The following ENTREP2 variants were observed in gnomAD, a reference collection of about 807,000 sequenced individuals.
ENTREP2 encodes protein ENTREP2.
chr15:29,151,755 G>A, the ENTREP2 span: 8 of 1,551,736 alleles, frequency 5.2e-6, no homozygotes, highest in African/African-American at 1.1e-4. Context: ...CATCGGAGGA[G>A]ACCATCTGCA....
At chr15:29,426,356 T>G in the ENTREP2 span, among the ~76,000 whole-genome samples, 2 of 152,250 alleles carry the variant, frequency 1.3e-5, no homozygotes, top group Non-Finnish European at 2.9e-5. Context: ...AATCTAGTAT[T>G]AATGTGATTA....
the ENTREP2 span, among the ~76,000 whole-genome samples, chr15:29,396,564 C>T: frequency 1.3e-5 from 2 of 152,084 alleles, no homozygotes; most frequent in Admixed American, 6.6e-5. Flanking sequence ...CTGTGGGTTG[C>T]CTGTTTACTC....
the ENTREP2 span, among the ~76,000 whole-genome samples, chr15:29,459,408 C>A: frequency 6.6e-6 from 1 of 152,158 alleles, no homozygotes; most frequent in Admixed American, 6.5e-5. Flanking sequence ...AGGACAGGCA[C>A]TCTTCTCTAG....
the ENTREP2 span, among the ~76,000 whole-genome samples, chr15:29,190,794 AGT>A: frequency 1.3e-5 from 2 of 152,242 alleles, no homozygotes; most frequent in African/African-American, 4.8e-5. Context: ...TCAGACATGG[AGT>A]GTTACTAATC....
chr15:29,388,351 C>A, the ENTREP2 span, among the ~76,000 whole-genome samples: 3 of 152,190 alleles, frequency 2.0e-5, no homozygotes, highest in African/African-American at 7.2e-5. Context: ...ATGCAGCCAA[C>A]AGACACATGA....
the ENTREP2 span, among the ~76,000 whole-genome samples, chr15:29,369,117 G>A: frequency 5.7e-4 from 87 of 151,992 alleles, no homozygotes; most frequent in Non-Finnish European, 8.7e-4. Flanking sequence ...TGCATGCAAT[G>A]GAGTATATCA....
the ENTREP2 span, chr15:29,268,502 C>T: frequency 2.7e-6 from 1 of 371,298 alleles, no homozygotes; most frequent in African/African-American, 2.1e-5. Flanking sequence ...CTTGCATTAT[C>T]TGTTCCAGAT....
chr15:29,245,054 T>C, the ENTREP2 span, among the ~76,000 whole-genome samples: 5 of 152,066 alleles, frequency 3.3e-5, no homozygotes, highest in Admixed American at 6.5e-5. Context: ...CAGAAGAAAA[T>C]GTAATCATTT....
chr15:29,638,391 C>T, the ENTREP2 span, among the ~76,000 whole-genome samples: 16 of 152,348 alleles, frequency 1.1e-4, no homozygotes, highest in East Asian at 3.1e-3. Flanking sequence ...CATCTCCAGA[C>T]ATTGCCAAAT....
the ENTREP2 span, among the ~76,000 whole-genome samples, chr15:29,636,363 G>A: frequency 6.6e-6 from 1 of 152,186 alleles, no homozygotes; most frequent in Non-Finnish European, 1.5e-5. Flanking sequence ...CAGCTCCTGG[G>A]CTCTGGCCCT....
At chr15:29,449,313 T>G in the ENTREP2 span, among the ~76,000 whole-genome samples, 1 of 152,120 alleles carries the variant, frequency 6.6e-6, no homozygotes, top group South Asian at 2.1e-4. Flanking sequence ...ACAACCTCCA[T>G]GAAACGATGT....
the ENTREP2 span, among the ~76,000 whole-genome samples, chr15:29,606,382 GC>G: frequency 6.6e-6 from 1 of 151,454 alleles, no homozygotes; most frequent in South Asian, 2.1e-4. Context: ...CTACAAGCGC[GC>G]GCCACCACAC....
chr15:29,138,827 A>C, the ENTREP2 span, among the ~76,000 whole-genome samples: 1 of 152,054 alleles, frequency 6.6e-6, no homozygotes, highest in Non-Finnish European at 1.5e-5. Context: ...TGCGCTCCCC[A>C]AAGCATTCAT....
At chr15:29,338,425 CA>C in the ENTREP2 span, among the ~76,000 whole-genome samples, 198 of 80,564 alleles carry the variant, frequency 2.5e-3, no homozygotes, top group Middle Eastern at 0.01. Flanking sequence ...GACTCCATCT[CA>C]AAAAAAAAAA....
chr15:29,291,524 G>A, the ENTREP2 span, among the ~76,000 whole-genome samples: 5 of 152,234 alleles, frequency 3.3e-5, no homozygotes, highest in Admixed American at 6.5e-5. Flanking sequence ...TCTAATTCCT[G>A]AGCCCTTGCA....
the ENTREP2 span, among the ~76,000 whole-genome samples, chr15:29,350,097 G>T: frequency 1.3e-5 from 2 of 152,004 alleles, no homozygotes; most frequent in African/African-American, 4.8e-5. Context: ...GTTTCTACTA[G>T]CTATTTCTTT....
chr15:29,611,780 C>T, the ENTREP2 span, among the ~76,000 whole-genome samples: 1 of 152,306 alleles, frequency 6.6e-6, no homozygotes, highest in Admixed American at 6.5e-5. Flanking sequence ...GAATGAAGCC[C>T]TCACTTCATG....
the ENTREP2 span, among the ~76,000 whole-genome samples, chr15:29,638,921 G>A: frequency 1.6e-3 from 240 of 152,330 alleles, no homozygotes; most frequent in African/African-American, 5.5e-3. Context: ...CTGAGCCCAC[G>A]GTCAGGGGCT....
chr15:29,504,418 G>T, the ENTREP2 span, among the ~76,000 whole-genome samples: 1 of 152,276 alleles, frequency 6.6e-6, no homozygotes, highest in Non-Finnish European at 1.5e-5. Context: ...GTGATGTTTT[G>T]AAACATGCAC....
Sources: gnomAD v4.1 joint callset for allele counts (sites outside exome capture counted in the v4.1 genomes callset) on GRCh38, gnomAD v4.1.1 for gene constraint, MANE v1.5 for transcripts, NCBI Gene and HGNC (gene_info 2026-07-23, HGNC 2026-07-21) for gene names.